Variants in LRRC7 observed in about 807,000 individuals in gnomAD.
LRRC7 encodes leucine rich repeat containing 7.
In LRRC7, 23 loss-of-function variants were observed where a neutral mutation model predicts 175.7. That is an observed-to-expected ratio of 0.13 (90% CI 0.09 to 0.19). The LOEUF is 0.19. LRRC7 is among the 10% of genes least tolerant of loss of function. LRRC7 has a pLI of 1.00. For synonymous variants in LRRC7, 685 were observed against 680.9 expected (o/e 1.01, Z -0.09); for missense variants, 1,354 against 1,904.7 (o/e 0.71, Z 5.38).
chr1:69,860,925 G>A (rs1557822629), intron 7 of LRRC7, among the ~76,000 whole-genome samples: 1 of 151,840 alleles, frequency 6.6e-6, no homozygotes, highest in African/African-American at 2.4e-5. Context: ...AATTCCAAAG[G>A]CTTTTAATTA....
intron 10 of LRRC7, among the ~76,000 whole-genome samples, chr1:69,992,412 A>G (rs539532647): frequency 6.6e-6 from 1 of 152,132 alleles, no homozygotes; most frequent in Non-Finnish European, 1.5e-5. Context: ...AGAAGGGCAC[A>G]AGTAGAGAGA....
At chr1:70,046,870 C>T (rs1037002836) in intron 22 of LRRC7, among the ~76,000 whole-genome samples, 4 of 152,090 alleles carry the variant, frequency 2.6e-5, no homozygotes, top group African/African-American at 7.2e-5. Flanking sequence ...CTTTAAAATG[C>T]AGTCTCTCCA....
chr1:69,740,348 G>C (rs1668577330), intron 2 of LRRC7, among the ~76,000 whole-genome samples: 1 of 151,984 alleles, frequency 6.6e-6, no homozygotes, highest in South Asian at 2.1e-4. Context: ...CACATCCCTA[G>C]TGTTCCTTCT....
intron 8 of LRRC7, among the ~76,000 whole-genome samples, chr1:69,943,981 C>CACACACACAT (rs1036986701): frequency 6.7e-5 from 9 of 133,404 alleles, no homozygotes; most frequent in African/African-American, 2.3e-4. Context: ...CACACACACA[C>CACACACACAT]ACACACAACA....
chr1:69,753,031 T>G (rs2100904952), intron 2 of LRRC7, among the ~76,000 whole-genome samples: 1 of 152,296 alleles, frequency 6.6e-6, no homozygotes, highest in African/African-American at 2.4e-5. Context: ...ATGTGTTCTC[T>G]AATGTATACT....
intron 2 of LRRC7, among the ~76,000 whole-genome samples, chr1:69,683,416 A>T (rs1660741453): frequency 6.6e-6 from 1 of 152,128 alleles, no homozygotes; most frequent in Non-Finnish European, 1.5e-5. Flanking sequence ...CTCATTCAAG[A>T]AAGACAATAG....
At chr1:70,076,562 C>A (rs1662794667) in intron 24 of LRRC7, among the ~76,000 whole-genome samples, 1 of 152,164 alleles carries the variant, frequency 6.6e-6, no homozygotes, top group African/African-American at 2.4e-5. Flanking sequence ...ATCCTACACC[C>A]TTTCCTACCC....
At chr1:69,950,966 G>T (rs1020834554) in intron 8 of LRRC7, among the ~76,000 whole-genome samples, 2 of 151,838 alleles carry the variant, frequency 1.3e-5, no homozygotes. Context: ...AATTGCCTTT[G>T]GAACACACAG....
intron 1 of LRRC7, among the ~76,000 whole-genome samples, chr1:69,577,896 G>GT (rs1266527787): frequency 6.6e-6 from 1 of 152,098 alleles, no homozygotes; most frequent in Non-Finnish European, 1.5e-5. Flanking sequence ...CTTTAAAGTA[G>GT]TTTTTTCCAA....
At chr1:69,589,598 G>C (rs1038384544) in intron 1 of LRRC7, among the ~76,000 whole-genome samples, 1 of 152,124 alleles carries the variant, frequency 6.6e-6, no homozygotes, top group East Asian at 1.9e-4. Context: ...ATTTTGGGAA[G>C]AGAAGCACAA....
intron 20 of LRRC7, among the ~76,000 whole-genome samples, chr1:70,037,806 A>G (rs1056247754): frequency 2.6e-5 from 4 of 152,208 alleles, no homozygotes; most frequent in African/African-American, 9.7e-5. Context: ...GCCTGCAGAG[A>G]AAAAGATCTC....
chr1:70,010,427 G>A (rs1419904174), intron 11 of LRRC7, among the ~76,000 whole-genome samples: 2 of 152,138 alleles, frequency 1.3e-5, no homozygotes, highest in Admixed American at 6.5e-5. Flanking sequence ...TTAGCTGGGC[G>A]TGGTGGCAGG....
chr1:70,014,675 C>G (rs1309929732), intron 13 of LRRC7, among the ~76,000 whole-genome samples: 1 of 151,900 alleles, frequency 6.6e-6, no homozygotes, highest in East Asian at 1.9e-4. Context: ...GCAATGTCAT[C>G]CAAAAGTAAT....
intron 5 of LRRC7, among the ~76,000 whole-genome samples, chr1:69,834,257 C>CT (rs1166409745): frequency 6.6e-6 from 1 of 151,962 alleles, no homozygotes; most frequent in African/African-American, 2.4e-5. Context: ...GTTGAGCAGA[C>CT]ATTAAAGAAA....
chr1:69,840,885 A>G (rs1308867707), intron 7 of LRRC7, among the ~76,000 whole-genome samples: 3 of 152,144 alleles, frequency 2.0e-5, no homozygotes, highest in African/African-American at 7.2e-5. Flanking sequence ...TTACACAAGA[A>G]TTATCTTCCT....
chr1:69,734,392 A>G (rs1667894215), intron 2 of LRRC7, among the ~76,000 whole-genome samples: 2 of 151,970 alleles, frequency 1.3e-5, no homozygotes, highest in African/African-American at 4.8e-5. Flanking sequence ...AATAAATATC[A>G]TTTTAATTAA....
rs1662451383 is a variant in LRRC7, at chr1:70,072,371, G to A, written c.4231-3706G>A. The stretch of plus-strand genomic sequence containing the variant: ...TCATCAGTTCTTTGAACTTCATCAT[G>A]AACATCCTCATTACTTTTCTCAAGC... On this transcript the variant is annotated intron_variant, in intron 23 of 26. Transcript: ENST00000651989. 2.0e-5 allele frequency among the ~76,000 whole-genome samples: 3 copies of A among 152,106 alleles called. No individual in the cohort carries two copies. The South Asian group carries it at 6.2e-4, about 32-fold the overall frequency.
At chr1:69,760,503 A>G in intron 3 of LRRC7, 110 bp downstream of exon 3, 1 of 878,388 alleles carries the variant, frequency 1.1e-6, no homozygotes, top group African/African-American at 1.7e-5. Flanking sequence ...GTAACTGACA[A>G]GTCATTGAAA....
At chr1:69,701,193 G>C (rs1473494769) in intron 2 of LRRC7, among the ~76,000 whole-genome samples, 1 of 151,912 alleles carries the variant, frequency 6.6e-6, no homozygotes, top group East Asian at 1.9e-4. Context: ...TACATATAAG[G>C]TACTAAAAAG....
Sources: allele counts gnomAD v4.1 joint callset (sites outside exome capture counted in the v4.1 genomes callset), GRCh38; gene constraint gnomAD v4.1.1; transcripts MANE v1.5; gene names NCBI Gene and HGNC (gene_info 2026-07-23, HGNC 2026-07-21).